Variants in GRIP1 observed in about 807,000 individuals in gnomAD.
GRIP1 encodes glutamate receptor interacting protein 1.
In GRIP1, 45 loss-of-function variants were observed where a neutral mutation model predicts 129.9. The observed-to-expected ratio is 0.35, with a 90% CI of 0.27 to 0.44. The LOEUF is 0.44. Among genes scored for constraint, GRIP1 ranks in the 20% least tolerant of loss-of-function variants. The pLI is 1.00. For synonymous variants in GRIP1, 530 were observed against 520.8 expected (o/e 1.02, Z -0.24); for missense variants, 1,196 against 1,396.8 (o/e 0.86, Z 2.29).
chr12:66,438,254 G>GAGAAATT lies in GRIP1; in HGVS notation c.1688-5633_1688-5627dup, dbSNP rs1035322251. ...CCATTAGATTCTTTCTCCTGGGAATGAGAAATTAGAACTGGCTGGGTACTT... is the reference window on the plus strand; with the variant it reads ...CCATTAGATTCTTTCTCCTGGGAATGAGAAATTAGAAATTAGAACTGGCTGGGTACTT... On this transcript the variant is annotated intron_variant, in intron 13 of 24. Coordinates refer to ENST00000359742, the MANE Select transcript of GRIP1 (RefSeq NM_001366722.1). Among the ~76,000 whole-genome samples, 7 of 152,266 alleles carry GAGAAATT rather than the reference G, an allele frequency of 4.6e-5. 1 individual carries two copies. Among genetic ancestry groups the GAGAAATT allele is most frequent in the Admixed American group, 3.9e-4 (6 of 15,296 alleles).
rs182519250 is a variant in GRIP1 at position 66,353,365 on chromosome 12, C to T, written c.3159+52G>A. ...AATATGCAGGAGGATGTGGAGGAAG[C>T]TCCCAGTGAGAAATTACTTGCAAGG... On this transcript the variant is annotated intron_variant, in intron 24 of 24. Transcript: ENST00000359742. 221 of 1,301,610 alleles carry T rather than the reference C, an allele frequency of 1.7e-4. No homozygotes were observed. In the African/African-American group the frequency reaches 2.6e-3, roughly 15 times the overall value. The allele number at this position is 1,301,610 out of a possible 1,614,324, so 80.6% of individuals were successfully genotyped here.
At chr12:67,007,353 A>G (rs1411768238) in intron 1 of GRIP1, among the ~76,000 whole-genome samples, 1 of 152,214 alleles carries the variant, frequency 6.6e-6, no homozygotes, top group Non-Finnish European at 1.5e-5. Context: ...GCATTTATTC[A>G]GAAAAGTAAT....
At chr12:66,720,416 T>C (rs570718429) in intron 1 of GRIP1, among the ~76,000 whole-genome samples, 10 of 152,210 alleles carry the variant, frequency 6.6e-5, no homozygotes, top group Admixed American at 4.6e-4. Flanking sequence ...GGGATGGTTG[T>C]GGCAATTTCT....
At chr12:66,958,709 T>C (rs2041879486) in intron 1 of GRIP1, among the ~76,000 whole-genome samples, 1 of 152,244 alleles carries the variant, frequency 6.6e-6, no homozygotes, top group African/African-American at 2.4e-5. Flanking sequence ...CATCTATTAT[T>C]GATGGATACT....
chr12:66,939,909 T>C (rs1348214296), intron 1 of GRIP1, among the ~76,000 whole-genome samples: 1 of 152,178 alleles, frequency 6.6e-6, no homozygotes, highest in Non-Finnish European at 1.5e-5. Flanking sequence ...CCTTTCACTA[T>C]AATAAAGTGA....
At chr12:66,604,852 A>G (rs1409628845) in intron 1 of GRIP1, among the ~76,000 whole-genome samples, 1 of 152,172 alleles carries the variant, frequency 6.6e-6, no homozygotes, top group Non-Finnish European at 1.5e-5. Flanking sequence ...AAAGCACACT[A>G]TTCTTCAGGA....
chr12:67,053,367 C>T (rs1049787934), intron 1 of GRIP1, among the ~76,000 whole-genome samples: 6 of 151,982 alleles, frequency 3.9e-5, no homozygotes, highest in Admixed American at 1.3e-4. Flanking sequence ...ATCCCATTTA[C>T]TCATTCACTT....
At chr12:66,898,184 G>T (rs1253283869) in intron 1 of GRIP1, among the ~76,000 whole-genome samples, 1 of 152,168 alleles carries the variant, frequency 6.6e-6, no homozygotes, top group Non-Finnish European at 1.5e-5. Context: ...AGTTCTGTCT[G>T]AGTTCAAAGC....
chr12:66,412,742 A>G lies in GRIP1; in HGVS notation c.1839-6314T>C, dbSNP rs191442642. Among the ~76,000 whole-genome samples the G allele has an allele frequency of 3.3e-5, 5 of 152,314 alleles. No homozygotes were observed. The East Asian group carries it at 5.8e-4, about 18-fold the overall frequency. The stretch of plus-strand genomic sequence containing the variant: ...TTGGTATGCTGTCTTCAAGAGACCT[A>G]TCTCACATGCAGTGACACACATAGG... On this transcript the variant is annotated intron_variant, in intron 15 of 24. Coordinates refer to ENST00000359742, the MANE Select transcript of GRIP1 (RefSeq NM_001366722.1).
intron 5 of GRIP1, among the ~76,000 whole-genome samples, chr12:66,520,685 T>A (rs1170332674): frequency 3.3e-5 from 5 of 152,316 alleles, no homozygotes; most frequent in Admixed American, 3.3e-4. Context: ...TAACATTACA[T>A]CATCAGTTGT....
At chr12:66,447,509 C>T (rs2058665308) in intron 11 of GRIP1, among the ~76,000 whole-genome samples, 1 of 152,206 alleles carries the variant, frequency 6.6e-6, no homozygotes, top group African/African-American at 2.4e-5. Context: ...TGAAAAGATG[C>T]AACCCTTTGA....
intron 16 of GRIP1, among the ~76,000 whole-genome samples, chr12:66,395,168 T>TGG (rs2056742491): frequency 6.6e-6 from 1 of 152,230 alleles, no homozygotes; most frequent in Non-Finnish European, 1.5e-5. Context: ...ATGGGCCGCC[T>TGG]TCAACGTGAT....
intron 1 of GRIP1, among the ~76,000 whole-genome samples, chr12:66,843,500 TACAA>T (rs1448275939): frequency 6.6e-6 from 1 of 152,038 alleles, no homozygotes. Context: ...TTGCATTAAA[TACAA>T]ACAATCATGA....
At chr12:66,781,331 T>C (rs1013243140) in intron 1 of GRIP1, among the ~76,000 whole-genome samples, 1 of 152,230 alleles carries the variant, frequency 6.6e-6, no homozygotes, top group African/African-American at 2.4e-5. Context: ...GTTTTTGTTT[T>C]TCCAAATGAA....
At chr12:66,793,034 A>G (rs1021552349) in intron 1 of GRIP1, among the ~76,000 whole-genome samples, 1 of 152,218 alleles carries the variant, frequency 6.6e-6, no homozygotes, top group Non-Finnish European at 1.5e-5. Flanking sequence ...ACTTAGCAAT[A>G]GAAAATATAA....
At chr12:66,892,873 G>C (rs188848184) in intron 1 of GRIP1, among the ~76,000 whole-genome samples, 2 of 152,212 alleles carry the variant, frequency 1.3e-5, no homozygotes, top group Non-Finnish European at 2.9e-5. Flanking sequence ...AGGCTGAGTC[G>C]GGAGGATTGC....
At chr12:66,666,190 A>C (rs2033785147) in intron 1 of GRIP1, among the ~76,000 whole-genome samples, 1 of 152,148 alleles carries the variant, frequency 6.6e-6, no homozygotes, top group African/African-American at 2.4e-5. Context: ...TTTAAATATG[A>C]ATAACAATTA....
At chr12:66,954,038 C>T (rs1371485064) in intron 1 of GRIP1, among the ~76,000 whole-genome samples, 1 of 152,124 alleles carries the variant, frequency 6.6e-6, no homozygotes, top group African/African-American at 2.4e-5. Flanking sequence ...AATTCTCCAC[C>T]GACTCCTCTG....
chr12:67,000,362 A>AT (rs1411023455), intron 1 of GRIP1, among the ~76,000 whole-genome samples: 2 of 152,290 alleles, frequency 1.3e-5, no homozygotes, highest in African/African-American at 2.4e-5. Context: ...CCGAATCTTC[A>AT]TTTTTTCTAG....
Sources: gnomAD v4.1 joint callset for allele counts (sites outside exome capture counted in the v4.1 genomes callset) on GRCh38, gnomAD v4.1.1 for gene constraint, MANE v1.5 for transcripts, NCBI Gene and HGNC (gene_info 2026-07-23, HGNC 2026-07-21) for gene names.